Variants in MSRA observed in about 807,000 individuals in gnomAD.
MSRA encodes the protein mitochondrial peptide methionine sulfoxide reductase.
MSRA carries 54 observed loss-of-function variants against 31.3 expected under a neutral mutation model. The observed-to-expected ratio is 1.73, with a 90% CI of 1.39 to 2.17. The LOEUF (loss-of-function observed/expected upper bound fraction) is 2.17. Ranked by LOEUF, MSRA falls within the 30% of genes most tolerant of loss-of-function variation. The pLI is 0.00. For synonymous variants in MSRA, 169 were observed against 116.5 expected, an observed-to-expected ratio of 1.45 and a Z score of -2.90; for missense variants, 507 against 300.9, an observed-to-expected ratio of 1.69 and a Z score of -5.07.
chr8:10,385,513 G>A lies in MSRA; in HGVS notation c.544-42635G>A, dbSNP rs139857577. Reference sequence around the variant, plus strand: ...CAGGGCTGAAAGATGGGACAGGATGGGTTTGACCTTGACAATTGGGGCAGG... The same window carrying A: ...CAGGGCTGAAAGATGGGACAGGATGAGTTTGACCTTGACAATTGGGGCAGG... On this transcript the variant is annotated intron_variant, in intron 5 of 5. Coordinates refer to ENST00000317173, the MANE Select transcript of MSRA (RefSeq NM_012331.5). Among the ~76,000 whole-genome samples the A allele has an allele frequency of 2.8e-3, 432 of 152,252 alleles. 3 individuals are homozygous for A. The highest frequency in any genetic ancestry group is 9.6e-3 in the African/African-American group (398 of 41,532).
chr8:10,077,239 G>C (rs908938510), intron 1 of MSRA, among the ~76,000 whole-genome samples: 1 of 152,148 alleles, frequency 6.6e-6, no homozygotes, highest in Non-Finnish European at 1.5e-5. Context: ...GAGGGAGGGC[G>C]AGAGCCAGGC....
At chr8:10,419,102 A>G (rs1311731406) in intron 5 of MSRA, among the ~76,000 whole-genome samples, 2 of 152,152 alleles carry the variant, frequency 1.3e-5, no homozygotes, top group Admixed American at 6.5e-5. Flanking sequence ...ACAGGTTCAT[A>G]GGCATCAGCA....
chr8:10,284,658 A>G (rs966943725), intron 3 of MSRA, among the ~76,000 whole-genome samples: 5 of 152,104 alleles, frequency 3.3e-5, no homozygotes, highest in African/African-American at 1.2e-4. Flanking sequence ...TCTTTAGCAC[A>G]GTGTGGAGGT....
intron 1 of MSRA, among the ~76,000 whole-genome samples, chr8:10,142,782 C>A (rs1182651600): frequency 6.6e-6 from 1 of 152,052 alleles, no homozygotes; most frequent in African/African-American, 2.4e-5. Context: ...AAGTCAGTTG[C>A]GATAATAGCC....
intron 4 of MSRA, among the ~76,000 whole-genome samples, chr8:10,306,069 G>A (rs1253282693): frequency 1.3e-5 from 2 of 152,112 alleles, no homozygotes; most frequent in Non-Finnish European, 2.9e-5. Context: ...GGATAGACTG[G>A]CAGGTGTACA....
intron 1 of MSRA, among the ~76,000 whole-genome samples, chr8:10,194,507 G>A (rs1011690892): frequency 2.0e-5 from 3 of 152,108 alleles, no homozygotes; most frequent in Non-Finnish European, 2.9e-5. Flanking sequence ...CAGAGGTTGC[G>A]GTGAGCCAAG....
intron 2 of MSRA, among the ~76,000 whole-genome samples, chr8:10,217,118 A>G (rs1393792283): frequency 2.6e-5 from 4 of 152,180 alleles, no homozygotes; most frequent in Non-Finnish European, 5.9e-5. Context: ...TGAAATGGCG[A>G]TGGATTTCAG....
intron 1 of MSRA, among the ~76,000 whole-genome samples, chr8:10,157,160 A>C (rs1330027674): frequency 2.0e-5 from 3 of 152,154 alleles, no homozygotes; most frequent in African/African-American, 7.2e-5. Context: ...GTATGCCTGG[A>C]AATAAACCAT....
intron 1 of MSRA, among the ~76,000 whole-genome samples, chr8:10,163,533 C>G (rs986247217): frequency 5.3e-5 from 8 of 152,346 alleles, no homozygotes; most frequent in African/African-American, 1.9e-4. Flanking sequence ...GGCATCACAC[C>G]TTGTGCCTTC....
chr8:10,160,276 C>G (rs185959503), intron 1 of MSRA, among the ~76,000 whole-genome samples: 6 of 152,004 alleles, frequency 3.9e-5, no homozygotes, highest in Non-Finnish European at 5.9e-5. Context: ...GGGCAGATCA[C>G]GAGGTCAGGA....
At chr8:10,303,458 A>C (rs1800956444) in intron 4 of MSRA, among the ~76,000 whole-genome samples, 1 of 152,174 alleles carries the variant, frequency 6.6e-6, no homozygotes, top group Admixed American at 6.5e-5. Flanking sequence ...CTGTGTTTGT[A>C]ATGGTGGCAT....
chr8:10,273,689 C>T (rs766156855), intron 3 of MSRA, among the ~76,000 whole-genome samples: 1 of 152,136 alleles, frequency 6.6e-6, no homozygotes, highest in Non-Finnish European at 1.5e-5. Flanking sequence ...TAAATCAACA[C>T]TGTTTACCTT....
chr8:10,216,734 G>C (rs1417631004), intron 2 of MSRA, among the ~76,000 whole-genome samples: 1 of 152,182 alleles, frequency 6.6e-6, no homozygotes, highest in Admixed American at 6.5e-5. Context: ...CATCCATGTT[G>C]TATTGTGTAT....
intron 5 of MSRA, among the ~76,000 whole-genome samples, chr8:10,386,269 C>G (rs988135084): frequency 8.5e-5 from 13 of 152,180 alleles, no homozygotes; most frequent in Non-Finnish European, 1.5e-4. Context: ...ACATTGGAAT[C>G]TAGGTCTGAT....
intron 5 of MSRA, among the ~76,000 whole-genome samples, chr8:10,367,180 G>A (rs1221214319): frequency 1.3e-5 from 2 of 152,246 alleles, no homozygotes; most frequent in Admixed American, 6.5e-5. Flanking sequence ...TGTCTACACT[G>A]CCTATCTGTT....
At chr8:10,159,241 G>A (rs1175384688) in intron 1 of MSRA, among the ~76,000 whole-genome samples, 2 of 152,210 alleles carry the variant, frequency 1.3e-5, no homozygotes, top group African/African-American at 4.8e-5. Flanking sequence ...TTCCTGCCTG[G>A]GCACCTGCGT....
intron 1 of MSRA, among the ~76,000 whole-genome samples, chr8:10,153,527 TG>T (rs560710255): frequency 0.19 from 28,813 of 150,610 alleles, 3,199 homozygotes; most frequent in East Asian, 0.49. Context: ...CCTTTTTTTT[TG>T]CCATTTTAAG....
chr8:10,326,643 G>T (rs1802377949), intron 5 of MSRA: 1 of 152,026 alleles, frequency 6.6e-6, no homozygotes, highest in Non-Finnish European at 1.5e-5. Context: ...AAATGGAGGG[G>T]GGTGTTTTTG....
At chr8:10,380,341 C>T (rs748361272) in intron 5 of MSRA, among the ~76,000 whole-genome samples, 9 of 152,174 alleles carry the variant, frequency 5.9e-5, no homozygotes, top group East Asian at 1.9e-4. Flanking sequence ...GGAGGCCTGG[C>T]GTTTGGGTAG....
Sources: allele counts gnomAD v4.1 joint callset (sites outside exome capture counted in the v4.1 genomes callset), GRCh38; gene constraint gnomAD v4.1.1; transcripts MANE v1.5; gene names NCBI Gene and HGNC (gene_info 2026-07-23, HGNC 2026-07-21).